Variants in SNTG2 observed in about 807,000 individuals in gnomAD.
SNTG2 encodes the protein gamma-2-syntrophin.
In SNTG2, 74 loss-of-function variants were observed where a neutral mutation model predicts 70.9. The ratio of observed to expected loss-of-function variants is 1.04; its 90% CI spans 0.86 to 1.27. The LOEUF (loss-of-function observed/expected upper bound fraction) is 1.27. Ranked by LOEUF, SNTG2 falls within the 50% of genes most tolerant of loss-of-function variation. SNTG2 has a pLI of 0.00. For missense variants in SNTG2, 717 were observed against 690.7 expected (o/e 1.04, Z -0.43); for synonymous variants, 278 against 273.8 (o/e 1.02, Z -0.15).
At chr2:1,329,298 A>C (rs1349773795) in intron 16 of SNTG2, among the ~76,000 whole-genome samples, 1 of 152,238 alleles carries the variant, frequency 6.6e-6, no homozygotes, top group Non-Finnish European at 1.5e-5. Flanking sequence ...CGCATTCTAA[A>C]TATAAACCAA....
At chr2:1,230,544 C>A (rs1163844455) in intron 9 of SNTG2, among the ~76,000 whole-genome samples, 1 of 152,176 alleles carries the variant, frequency 6.6e-6, no homozygotes, top group Non-Finnish European at 1.5e-5. Context: ...ATTGGTTGGT[C>A]TCGTTTGATC....
At chr2:1,299,458 A>G (rs1044208719) in intron 14 of SNTG2, among the ~76,000 whole-genome samples, 1 of 151,984 alleles carries the variant, frequency 6.6e-6, no homozygotes, top group Non-Finnish European at 1.5e-5. Context: ...GCAGCTCCTC[A>G]CCCCAGCTTC....
rs776217830 is a variant in SNTG2 at position 1,267,475 on chromosome 2, G to A, written c.1188G>A (p.Gly396=). ...PYCFSIVAGH[G]KSHVFNVELG... The stretch of plus-strand genomic sequence containing the variant: ...GCTTCAGCATCGTGGCCGGCCATGG[G>A]AAGAGCCATGTTTTCAACGTGGAGC... The change falls in exon 14 of 17, where the codon GGG becomes GGA. Residue 396 remains glycine, a synonymous_variant. Coordinates refer to ENST00000308624, the MANE Select transcript of SNTG2 (RefSeq NM_018968.4). 1.9e-6 allele frequency: 3 copies of A among 1,613,924 alleles called. No individual in the cohort carries two copies. The highest frequency in any genetic ancestry group is 2.5e-6 in the Non-Finnish European group (3 of 1,179,864).
chr2:1,111,195 G>A (rs528610821), intron 4 of SNTG2, among the ~76,000 whole-genome samples: 1 of 152,202 alleles, frequency 6.6e-6, no homozygotes, highest in East Asian at 1.9e-4. Flanking sequence ...AGTATAAATA[G>A]AACTTGACAA....
At chr2:1,210,554 T>C (rs770965290) in intron 9 of SNTG2, 4 of 152,146 alleles carry the variant, frequency 2.6e-5, no homozygotes, top group Admixed American at 6.5e-5. Flanking sequence ...GATGCTGACG[T>C]AGACAAACCT....
At chr2:968,967 G>A (rs764532176) in intron 1 of SNTG2, among the ~76,000 whole-genome samples, 8 of 151,830 alleles carry the variant, frequency 5.3e-5, no homozygotes, top group Non-Finnish European at 1.0e-4. Flanking sequence ...AGAGTGTCTC[G>A]GTTTTCCTTC....
chr2:1,201,444 TTAGA>T (rs1351622137), intron 8 of SNTG2, among the ~76,000 whole-genome samples: 4 of 151,688 alleles, frequency 2.6e-5, no homozygotes, highest in African/African-American at 4.8e-5. Flanking sequence ...AAACATACAA[TTAGA>T]TAGAAGGGAT....
At chr2:1,153,473 A>C in intron 6 of SNTG2, among the ~76,000 whole-genome samples, 1 of 152,240 alleles carries the variant, frequency 6.6e-6, no homozygotes, top group East Asian at 1.9e-4. Flanking sequence ...CCTCTGAATT[A>C]TAAAGAAAAT....
At chr2:1,182,747 TTTTG>T (rs1032228415) in intron 8 of SNTG2, among the ~76,000 whole-genome samples, 10 of 152,116 alleles carry the variant, frequency 6.6e-5, no homozygotes, top group African/African-American at 1.4e-4. Context: ...TAATCAGTTT[TTTTG>T]TTTGTTTGTT....
At chr2:985,603 C>A (rs1373840766) in intron 1 of SNTG2, among the ~76,000 whole-genome samples, 1 of 152,122 alleles carries the variant, frequency 6.6e-6, no homozygotes, top group East Asian at 1.9e-4. Flanking sequence ...GGATAATTTT[C>A]AGAGAGAAAC....
chr2:1,019,984 A>G (rs1198429303), intron 1 of SNTG2, among the ~76,000 whole-genome samples: 1 of 152,222 alleles, frequency 6.6e-6, no homozygotes, highest in Non-Finnish European at 1.5e-5. Flanking sequence ...CAGAGGTTGC[A>G]GTGAGCTGAG....
At chr2:1,189,035 C>T (rs565800744) in intron 8 of SNTG2, among the ~76,000 whole-genome samples, 6 of 151,890 alleles carry the variant, frequency 4.0e-5, no homozygotes, top group Non-Finnish European at 7.4e-5. Flanking sequence ...AGAAATGGGA[C>T]TGTTATTTCT....
intron 2 of SNTG2, among the ~76,000 whole-genome samples, chr2:1,095,531 T>TCTTG (rs1665335998): frequency 1.3e-5 from 2 of 152,314 alleles, no homozygotes; most frequent in African/African-American, 4.8e-5. Context: ...TTCTTACCTA[T>TCTTG]CTTGTTAAGA....
At chr2:1,339,941 G>A (rs898321500) in intron 16 of SNTG2, among the ~76,000 whole-genome samples, 5 of 152,152 alleles carry the variant, frequency 3.3e-5, no homozygotes, top group Non-Finnish European at 5.9e-5. Flanking sequence ...TTAAGGCCTC[G>A]CACCGTCCGC....
intron 2 of SNTG2, among the ~76,000 whole-genome samples, chr2:1,092,370 T>G (rs1036430160): frequency 1.3e-5 from 2 of 151,980 alleles, no homozygotes; most frequent in Admixed American, 1.3e-4. Flanking sequence ...GGGAGGGGGA[T>G]CGACGAGGAC....
chr2:1,225,024 G>A (rs1035266208), intron 9 of SNTG2, among the ~76,000 whole-genome samples: 1 of 152,150 alleles, frequency 6.6e-6, no homozygotes, highest in African/African-American at 2.4e-5. Context: ...GTACAGAAGA[G>A]GCTCTTTGTT....
intron 13 of SNTG2, among the ~76,000 whole-genome samples, chr2:1,264,066 T>G (rs765361424): frequency 1.2e-4 from 18 of 152,224 alleles, no homozygotes; most frequent in Non-Finnish European, 2.5e-4. Context: ...TGAAAACAAT[T>G]TAACAATTGT....
intron 1 of SNTG2, among the ~76,000 whole-genome samples, chr2:978,986 C>T (rs560379217): frequency 1.3e-5 from 2 of 152,268 alleles, no homozygotes; most frequent in South Asian, 2.1e-4. Context: ...AGGCTCCCTG[C>T]GTTGAGGATT....
intron 7 of SNTG2, 99 bp from the exon 8 acceptor site, chr2:1,172,993 G>C: frequency 9.1e-7 from 1 of 1,095,676 alleles, no homozygotes; most frequent in Non-Finnish European, 1.4e-6. Context: ...TTTGGTGCTG[G>C]TAACTTCCCA....
Sources: allele counts gnomAD v4.1 joint callset (sites outside exome capture counted in the v4.1 genomes callset), GRCh38; gene constraint gnomAD v4.1.1; transcripts MANE v1.5; gene names NCBI Gene and HGNC (gene_info 2026-07-23, HGNC 2026-07-21).